Variants in FAM161A observed in about 807,000 individuals in gnomAD.
The protein encoded by FAM161A is protein FAM161A.
FAM161A carries 57 observed loss-of-function variants against 70.9 expected under a neutral mutation model. The ratio of observed to expected loss-of-function variants is 0.80; its 90% CI spans 0.65 to 1.00. FAM161A has a LOEUF of 1.00. FAM161A is among the 50% of genes least tolerant of loss of function. The pLI is 0.00. For missense variants in FAM161A, 880 were observed against 836.0 expected, an observed-to-expected ratio of 1.05 and a Z score of -0.65; for synonymous variants, 299 against 295.7, an observed-to-expected ratio of 1.01 and a Z score of -0.12.
chr2:61,822,139 G>T (rs1435665465), downstream of FAM161A, among the ~76,000 whole-genome samples: 3 of 151,724 alleles, frequency 2.0e-5, no homozygotes, highest in South Asian at 2.1e-4. Context: ...ATACTATAAA[G>T]GTTATTCCTG....
intron 5 of FAM161A, 61 bp downstream of exon 5, chr2:61,835,949 C>T (rs1401223153): frequency 9.5e-7 from 1 of 1,057,986 alleles, no homozygotes; most frequent in Admixed American, 2.3e-5. Context: ...AATTTAGGAG[C>T]TAAAGCTGTA....
At chr2:61,808,171 T>C in the FAM161A span, among the ~76,000 whole-genome samples, 1 of 152,246 alleles carries the variant, frequency 6.6e-6, no homozygotes, top group African/African-American at 2.4e-5. Context: ...GAAATTGCCT[T>C]ATCTTTTCAA....
intron 1 of FAM161A, among the ~76,000 whole-genome samples, chr2:61,850,065 C>A (rs1673445666): frequency 6.6e-6 from 1 of 152,110 alleles, no homozygotes; most frequent in African/African-American, 2.4e-5. Flanking sequence ...ATGTAACAAA[C>A]CTGCACATGC....
At chr2:61,816,538 G>A in the FAM161A span, among the ~76,000 whole-genome samples, 1 of 152,090 alleles carries the variant, frequency 6.6e-6, no homozygotes, top group African/African-American at 2.4e-5. Flanking sequence ...TCTGCCCACT[G>A]CAGCCTTGAC....
At chr2:61,811,410 G>A in the FAM161A span, among the ~76,000 whole-genome samples, 20 of 152,084 alleles carry the variant, frequency 1.3e-4, no homozygotes, top group South Asian at 3.7e-3. Context: ...GTCTCACTCT[G>A]TTGCCCAGGC....
intron 1 of FAM161A, among the ~76,000 whole-genome samples, chr2:61,847,865 G>T (rs1673285957): frequency 6.6e-6 from 1 of 152,070 alleles, no homozygotes; most frequent in Non-Finnish European, 1.5e-5. Flanking sequence ...GCTAATGGCA[G>T]ATGTTCAAGG....
At chr2:61,804,500 C>T in the FAM161A span, among the ~76,000 whole-genome samples, 47 of 152,028 alleles carry the variant, frequency 3.1e-4, 1 homozygote, top group Admixed American at 2.6e-3. Flanking sequence ...GCCTGGTCAA[C>T]ACGGTGAAAC....
intron 5 of FAM161A, 52 bp downstream of exon 5, chr2:61,835,958 T>TAAAAAAA: frequency 4.8e-6 from 5 of 1,047,134 alleles, no homozygotes; most frequent in Non-Finnish European, 7.1e-6. Flanking sequence ...GCTAAAGCTG[T>TAAAAAAA]AAAAAAAAAA....
In FAM161A at chr2:61,854,002, T is replaced by C; in HGVS notation, c.40A>G (p.Ser14Gly). ...ATGGGATTTACCGGGGTCTGGAGACTGGAGGCCACCAGCTTCGCCACTCGG... is the reference window on the plus strand; with the variant it reads ...ATGGGATTTACCGGGGTCTGGAGACCGGAGGCCACCAGCTTCGCCACTCGG... The part of the protein sequence containing the change: ...SHRVAKLVAS[S>G]LQTPVNPITG... The change falls in exon 1 of 7, where the codon AGT (serine) becomes GGT (glycine). Residue 14 changes from serine (S) to glycine (G), a missense_variant. By Grantham distance (56) the Ser-to-Gly change is moderately conservative. Transcript: ENST00000404929. 1.2e-6 allele frequency: 2 copies of C among 1,613,206 alleles called. No individual in the cohort carries two copies. Among genetic ancestry groups the C allele is most frequent in the Non-Finnish European group, 1.7e-6 (2 of 1,179,602 alleles).
chr2:61,821,384 T>C (rs1423453401), downstream of FAM161A, among the ~76,000 whole-genome samples: 1 of 152,182 alleles, frequency 6.6e-6, no homozygotes, highest in Non-Finnish European at 1.5e-5. Flanking sequence ...ATACCAATTT[T>C]TTTCCTTCTC....
At chr2:61,835,773 G>A in intron 5 of FAM161A, 1 of 483,196 alleles carries the variant, frequency 2.1e-6, no homozygotes, top group Non-Finnish European at 3.7e-6. Context: ...CAAGCAATCT[G>A]CCCACCTCAG....
Position 61,826,018 on chromosome 2 carries a change from A to T in FAM161A, c.*437T>A. ...TCTGTGAAATGCACTGCAGAGAAAAAGAATGGGCAAATAGTATAATTAAAA... is the reference window on the plus strand; with the variant it reads ...TCTGTGAAATGCACTGCAGAGAAAATGAATGGGCAAATAGTATAATTAAAA... On this transcript the variant is annotated 3_prime_UTR_variant, in exon 7 of 7. Transcript: ENST00000404929. 2 of 454,684 alleles carry T rather than the reference A, an allele frequency of 4.4e-6. No individual in the cohort carries two copies. Among genetic ancestry groups the T allele is most frequent in the Non-Finnish European group, 8.8e-6 (2 of 227,122 alleles). 28.2% of individuals were successfully genotyped at this position (454,684 alleles called of 1,614,324 possible). A position where few individuals can be genotyped will look rare whatever the true frequency, so the allele number is the denominator to read the frequency against.
At chr2:61,844,423 G>A (rs1244888095) in intron 1 of FAM161A, among the ~76,000 whole-genome samples, 2 of 151,956 alleles carry the variant, frequency 1.3e-5, no homozygotes, top group Non-Finnish European at 2.9e-5. Flanking sequence ...TTGAGGCCAG[G>A]CACAGTGGCT....
chr2:61,802,607 T>C, the FAM161A span, among the ~76,000 whole-genome samples: 1 of 152,228 alleles, frequency 6.6e-6, no homozygotes, highest in Non-Finnish European at 1.5e-5. Context: ...GGACATTTCC[T>C]ATAAACTGTT....
chr2:61,806,559 A>G, the FAM161A span, among the ~76,000 whole-genome samples: 1 of 152,090 alleles, frequency 6.6e-6, no homozygotes, highest in African/African-American at 2.4e-5. Context: ...TTTCACACAG[A>G]TGAAACTTTC....
At chr2:61,826,723 C>A in intron 6 of FAM161A, 124 bp from the exon 7 acceptor site, 1 of 766,710 alleles carries the variant, frequency 1.3e-6, no homozygotes, top group Non-Finnish European at 2.0e-6. Context: ...CAATTTGTTA[C>A]CAAGACAACT....
Position 61,843,417 on chromosome 2 carries a change from G to A in FAM161A, c.184-1057C>T, listed in dbSNP as rs369840050. 3.4e-4 allele frequency among the ~76,000 whole-genome samples: 52 copies of A among 152,224 alleles called. 1 individual carries two copies. In the East Asian group the frequency reaches 8.5e-3, roughly 25 times the overall value. On this transcript the variant is annotated intron_variant, in intron 1 of 6. Transcript: ENST00000404929. ...GCTGGGATTATGGGCATGAGCCACC[G>A]TGCCCTACCCTTTCAGTTCTTTTAA...
chr2:61,821,661 G>T (rs1360720783), downstream of FAM161A, among the ~76,000 whole-genome samples: 1 of 151,936 alleles, frequency 6.6e-6, no homozygotes, highest in Non-Finnish European at 1.5e-5. Flanking sequence ...TGAACTCCTG[G>T]ACTCAAGTGA....
At chr2:61,829,071 G>A (rs1472772995) in intron 5 of FAM161A, among the ~76,000 whole-genome samples, 1 of 152,176 alleles carries the variant, frequency 6.6e-6, no homozygotes, top group East Asian at 1.9e-4. Flanking sequence ...ACTGGGAAGG[G>A]TGTGGAGGAG....
Sources: allele counts gnomAD v4.1 joint callset (sites outside exome capture counted in the v4.1 genomes callset), GRCh38; gene constraint gnomAD v4.1.1; transcripts MANE v1.5; gene names NCBI Gene and HGNC (gene_info 2026-07-23, HGNC 2026-07-21).